PTPRS: variants seen among roughly 807,000 people sequenced by gnomAD.
PTPRS encodes the protein receptor-type tyrosine-protein phosphatase S.
Under a neutral mutation model 215.3 loss-of-function variants are expected in PTPRS, and 63 were observed. That is an observed-to-expected ratio of 0.29 (90% CI 0.24 to 0.36). The LOEUF (loss-of-function observed/expected upper bound fraction) is 0.36. Among genes scored for constraint, PTPRS ranks in the 10% least tolerant of loss-of-function variants. PTPRS has a pLI of 1.00. For synonymous variants in PTPRS, 1,404 were observed against 1,191.4 expected (o/e 1.18, Z -3.68); for missense variants, 2,258 against 2,825.8 (o/e 0.80, Z 4.56).
intron 30 of PTPRS, among the ~76,000 whole-genome samples, chr19:5,213,784 G>T (rs150965140): frequency 6.6e-6 from 1 of 152,112 alleles, no homozygotes; most frequent in Non-Finnish European, 1.5e-5. Flanking sequence ...GATACATCAC[G>T]GTGCCAGTAG....
At chr19:5,263,562 G>A (rs1249628493) in intron 5 of PTPRS, among the ~76,000 whole-genome samples, 4 of 152,204 alleles carry the variant, frequency 2.6e-5, no homozygotes. Context: ...GTGTGGAGGT[G>A]CAGGGTGATC....
intron 12 of PTPRS, among the ~76,000 whole-genome samples, chr19:5,239,511 TAC>T (rs1259484004): frequency 1.4e-5 from 2 of 138,370 alleles, no homozygotes; most frequent in African/African-American, 2.8e-5. Context: ...AGGAGAGAGA[TAC>T]AGAGACAGAG....
intron 1 of PTPRS, among the ~76,000 whole-genome samples, chr19:5,320,742 C>T (rs532651486): frequency 2.0e-5 from 3 of 151,858 alleles, no homozygotes; most frequent in South Asian, 2.1e-4. Context: ...TCTTTACAAT[C>T]GTCACACTGT....
At position 5,237,851 on chromosome 19, in the gene PTPRS, C is replaced by T. The variant is rs1259187721; in HGVS notation, c.1849+1068G>A. Among the ~76,000 whole-genome samples, 8 of 150,322 alleles carry T rather than the reference C, an allele frequency of 5.3e-5. No homozygotes were observed. The highest frequency in any genetic ancestry group is 1.7e-4 in the African/African-American group (7 of 41,038). Reference sequence around the variant, plus strand: ...AGCAGGAAGGAGGGAAGGGGGCCGGCGGGGGCAGGGGGGTTGTGTCTCCGA... The same window carrying T: ...AGCAGGAAGGAGGGAAGGGGGCCGGTGGGGGCAGGGGGGTTGTGTCTCCGA... On this transcript the variant is annotated intron_variant, in intron 13 of 37. Transcript: ENST00000262963. This position sits in a 1 kb window ranked among gnomAD's most constrained non-coding sequence, Gnocchi z 4.2.
intron 9 of PTPRS, among the ~76,000 whole-genome samples, chr19:5,252,904 AAAAAG>A (rs1317863132): frequency 6.6e-6 from 1 of 151,402 alleles, no homozygotes; most frequent in Admixed American, 6.6e-5. Context: ...AAAGTAAAAG[AAAAAG>A]AAAATTCCTC....
chr19:5,325,477 C>T (rs2050143957), intron 1 of PTPRS, among the ~76,000 whole-genome samples: 1 of 151,966 alleles, frequency 6.6e-6, no homozygotes, highest in African/African-American at 2.4e-5. Flanking sequence ...GCATCTGAGA[C>T]ATTTTAACCT....
intron 11 of PTPRS, 43 bp from the exon 12 acceptor site, chr19:5,240,375 A>C (rs763020513): frequency 3.3e-6 from 5 of 1,531,650 alleles, no homozygotes; most frequent in Non-Finnish European, 4.4e-6. Context: ...GGGAGCGTCC[A>C]CCCCACAAAG....
Position 5,212,172 on chromosome 19 carries a change from A to G in PTPRS, c.4848T>C (p.Asp1616=), listed in dbSNP as rs377666202. ...LERIKPEKTV[D]VYGHVTLMRS... ...TCATGAGCGTCACGTGGCCATAGAC[A>G]TCGACTGTCTTCTCTGGCTTGATCC... Residue 1616 remains aspartate (D), a synonymous_variant, in exon 32 of 38, where the codon GAT becomes GAC. Coordinates refer to ENST00000262963, the MANE Select transcript of PTPRS (RefSeq NM_002850.4). 2.1e-5 allele frequency: 34 copies of G among 1,613,946 alleles called. No homozygotes were observed. Among genetic ancestry groups the G allele is most frequent in the South Asian group, 5.5e-5 (5 of 91,096 alleles).
At chr19:5,247,217 A>T (rs550703077) in intron 9 of PTPRS, among the ~76,000 whole-genome samples, 1 of 149,690 alleles carries the variant, frequency 6.7e-6, no homozygotes, top group Non-Finnish European at 1.5e-5. Flanking sequence ...TAATAATAAT[A>T]ATTAATAATA....
chr19:5,287,449 G>A lies in PTPRS; in HGVS notation c.-94-1215C>T, dbSNP rs1415598244. Among the ~76,000 whole-genome samples, 4 of 152,152 alleles carry A rather than the reference G, an allele frequency of 2.6e-5. No homozygotes were observed. In the East Asian group the frequency reaches 7.7e-4, roughly 29 times the overall value. ...CGTCACATACCTTGAACCCTGGAAT[G>A]GCCCCCTCCCCATCTCCCCAATCTC... On this transcript the variant is annotated intron_variant, in intron 1 of 37. Transcript: ENST00000262963. This position sits in a 1 kb window ranked among gnomAD's most constrained non-coding sequence, Gnocchi z 4.8.
chr19:5,225,848 C>A lies in PTPRS; in HGVS notation c.2377-4G>T, dbSNP rs1309720074. On this transcript the variant is annotated splice_region_variant and splice_polypyrimidine_tract_variant and intron_variant, in intron 16 of 37. Transcript: ENST00000262963. ...GCAAGTTTGTGATGACCATCTCCTGCAGGCACGGCTGGGGGTCAGCACGAC... is the reference window on the plus strand; with the variant it reads ...GCAAGTTTGTGATGACCATCTCCTGAAGGCACGGCTGGGGGTCAGCACGAC... 11 of 1,612,664 alleles carry A rather than the reference C, an allele frequency of 6.8e-6. No individual in the cohort carries two copies. Among genetic ancestry groups the A allele is most frequent in the Non-Finnish European group, 9.3e-6 (11 of 1,178,842 alleles).
At chr19:5,270,576 T>C (rs1171117874) in intron 4 of PTPRS, among the ~76,000 whole-genome samples, 3 of 152,114 alleles carry the variant, frequency 2.0e-5, no homozygotes, top group African/African-American at 4.8e-5. Context: ...TCCCGAAGTG[T>C]TGGCATTACA....
intron 1 of PTPRS, among the ~76,000 whole-genome samples, chr19:5,290,278 A>G (rs1366563986): frequency 6.6e-6 from 1 of 152,186 alleles, no homozygotes; most frequent in African/African-American, 2.4e-5. Flanking sequence ...GGACTCAGCC[A>G]AGGCCCCCAG....
intron 22 of PTPRS, 142 bp downstream of exon 22, chr19:5,219,797 C>T (rs2041815552): frequency 3.0e-6 from 3 of 1,007,314 alleles, no homozygotes; most frequent in Non-Finnish European, 4.4e-6. Context: ...CAGGATCCCT[C>T]CGCTCCCAAG....
chr19:5,207,987 C>A lies in PTPRS; in HGVS notation c.5713G>T (p.Val1905Leu), dbSNP rs757213585. Residue 1905 changes from valine to leucine, a missense_variant, in exon 37 of 38, where the codon GTG becomes TTG. Physicochemically the swap from Val to Leu is conservative, Grantham distance 32 (BLOSUM62 1). This residue lies in a region of PTPRS where 89 missense variants were observed against 104.0 expected (regional missense o/e 0.86). Transcript: ENST00000262963. ...IVLERMRYEG[V>L]VDIFQTVKML... The stretch of plus-strand genomic sequence containing the variant: ...TTCACCGTCTGAAAGATGTCCACCA[C>A]GCCTTCATACCGCATCCGCTCCAGC... 1.2e-6 allele frequency: 2 copies of A among 1,614,130 alleles called. No individual in the cohort carries two copies. The highest frequency in any genetic ancestry group is 1.7e-6 in the Non-Finnish European group (2 of 1,180,034).
rs937345014 is a variant in PTPRS, at chr19:5,293,991, G to A, written c.-94-7757C>T. ...GCCAATCCGAGCCAGCGTTGCGCCC[G>A]GGGTGCGGGTTTGAAAACTCCACCG... On this transcript the variant is annotated intron_variant, in intron 1 of 37. Transcript: ENST00000262963. This position sits in a 1 kb window ranked among gnomAD's most constrained non-coding sequence, Gnocchi z 8.4. Among the ~76,000 whole-genome samples, 3 of 152,218 alleles carry A rather than the reference G, an allele frequency of 2.0e-5. No homozygotes were observed. The highest frequency in any genetic ancestry group is 2.9e-5 in the Non-Finnish European group (2 of 68,038).
chr19:5,247,594 A>T (rs749066653), intron 9 of PTPRS, among the ~76,000 whole-genome samples: 3 of 152,154 alleles, frequency 2.0e-5, no homozygotes, highest in African/African-American at 7.2e-5. Flanking sequence ...TCTTGTTTCA[A>T]CTGCACAGAT....
intron 13 of PTPRS, among the ~76,000 whole-genome samples, chr19:5,232,754 C>A (rs1334976220): frequency 3.4e-5 from 3 of 89,232 alleles, no homozygotes; most frequent in Admixed American, 1.1e-4. Context: ...TAGGCACCTA[C>A]TAATAATTGT....
At chr19:5,310,382 ATC>A (rs1568604215) in intron 1 of PTPRS, among the ~76,000 whole-genome samples, 1 of 149,044 alleles carries the variant, frequency 6.7e-6, no homozygotes, top group African/African-American at 2.5e-5. Flanking sequence ...CAGTGGCGCA[ATC>A]TCGGCTCACT....
Sources: allele counts gnomAD v4.1 joint callset (sites outside exome capture counted in the v4.1 genomes callset), GRCh38; gene constraint gnomAD v4.1.1; regional missense constraint gnomAD v4.1.1; non-coding constraint Gnocchi (gnomAD v3.1); transcripts MANE v1.5; gene names NCBI Gene and HGNC (gene_info 2026-07-23, HGNC 2026-07-21).